The following CRACD variants were observed in gnomAD, a reference collection of about 807,000 sequenced individuals.
CRACD encodes capping protein inhibiting regulator of actin dynamics.
A neutral mutation model predicts 106.8 loss-of-function variants in CRACD; 56 were observed. That is an observed-to-expected ratio of 0.52 (90% CI 0.42 to 0.66). CRACD has a LOEUF of 0.66. CRACD is among the 30% of genes least tolerant of loss of function. CRACD has a pLI of 0.00. For synonymous variants in CRACD, 754 were observed against 670.8 expected, an observed-to-expected ratio of 1.12 and a Z score of -1.92; for missense variants, 1,730 against 1,623.2, an observed-to-expected ratio of 1.07 and a Z score of -1.13.
rs1745529298 is a variant in CRACD, at chr4:56,315,318, C to T, written c.1816C>T (p.Pro606Ser). Residue 606 changes from proline (P) to serine (S), a missense_variant, in exon 8 of 11, where the codon CCG (proline) becomes TCG (serine). Pro to Ser is a moderately conservative substitution (Grantham distance 74). Coordinates refer to ENST00000682029, the MANE Select transcript of CRACD (RefSeq NM_001393381.1). The surrounding 1 kb of genome is among the most constrained non-coding windows in gnomAD (Gnocchi z 4.1). Reference sequence around the variant, plus strand: ...GGTCACGGGCGCGCAGCTCTGTGGCCCGGCAGTCAACCTGAGCCAGATCAA... The same window carrying T: ...GGTCACGGGCGCGCAGCTCTGTGGCTCGGCAGTCAACCTGAGCCAGATCAA... Reference protein sequence around the residue: ...ILVTGAQLCGPAVNLSQIKDT... With the variant: ...ILVTGAQLCGSAVNLSQIKDT... The T allele has an allele frequency of 1.9e-6, 3 of 1,613,752 alleles. No individual in the cohort carries two copies. Among genetic ancestry groups the T allele is most frequent in the African/African-American group, 1.3e-5 (1 of 74,916 alleles).
intron 1 of CRACD, among the ~76,000 whole-genome samples, chr4:56,172,265 C>G (rs1736400386): frequency 6.6e-6 from 1 of 152,074 alleles, no homozygotes; most frequent in Non-Finnish European, 1.5e-5. Context: ...TTGTATTTGC[C>G]TGAAAAACTG....
At chr4:56,121,946 T>C (rs1734498803) in intron 1 of CRACD, among the ~76,000 whole-genome samples, 2 of 152,210 alleles carry the variant, frequency 1.3e-5, no homozygotes, top group Non-Finnish European at 2.9e-5. Context: ...ATCATGGACA[T>C]TGTTTTCTAT....
At chr4:56,241,753 G>T (rs1740380809) in intron 2 of CRACD, among the ~76,000 whole-genome samples, 1 of 152,164 alleles carries the variant, frequency 6.6e-6, no homozygotes, top group Non-Finnish European at 1.5e-5. Context: ...CTTTTTAAGA[G>T]CTCTTGGAGG....
chr4:56,268,440 G>A (rs1035199217), intron 2 of CRACD, among the ~76,000 whole-genome samples: 2 of 131,798 alleles, frequency 1.5e-5, no homozygotes, highest in Non-Finnish European at 3.2e-5. Context: ...TAGTCAAGGA[G>A]CAGTGTTGGG....
In CRACD at chr4:56,315,471, G is replaced by C; in HGVS notation, c.1969G>C (p.Glu657Gln). 6.2e-7 allele frequency: 1 copy of C among 1,613,202 alleles called. No homozygotes were observed. Among genetic ancestry groups the C allele is most frequent in the Non-Finnish European group, 8.5e-7 (1 of 1,179,904 alleles). ...CAGCGGGAAGGCTAAGCCCCGCCAG[G>C]AGTCTCCCAGCAGCGCGTCCGCACT... is the stretch of plus-strand genomic sequence containing the variant. ...AGSGKAKPRQESPSSASALAE... is the reference protein window; with the variant it reads ...AGSGKAKPRQQSPSSASALAE... Residue 657 changes from glutamate (E) to glutamine (Q), a missense_variant, in exon 8 of 11, where the codon GAG (glutamate) becomes CAG (glutamine). This residue lies in a region of CRACD where 1,620 missense variants were observed against 1,481.6 expected (regional missense o/e 1.09). Coordinates refer to ENST00000682029, the MANE Select transcript of CRACD (RefSeq NM_001393381.1). The surrounding 1 kb of genome is among the most constrained non-coding windows in gnomAD (Gnocchi z 4.1).
At chr4:56,143,545 TG>T (rs1175613479) in intron 1 of CRACD, among the ~76,000 whole-genome samples, 1 of 152,130 alleles carries the variant, frequency 6.6e-6, no homozygotes, top group African/African-American at 2.4e-5. Context: ...ACATTTTTGA[TG>T]ATTATGATGA....
chr4:56,309,860 A>AT (rs561058303), intron 5 of CRACD, among the ~76,000 whole-genome samples: 354 of 151,628 alleles, frequency 2.3e-3, no homozygotes, highest in African/African-American at 7.8e-3. Flanking sequence ...TCTCAAAAAA[A>AT]ATATATATAT....
intron 2 of CRACD, among the ~76,000 whole-genome samples, chr4:56,257,208 A>C (rs1329458119): frequency 6.6e-6 from 1 of 151,554 alleles, no homozygotes; most frequent in Non-Finnish European, 1.5e-5. Context: ...CAGCCTCCCA[A>C]GTAGCTGGGA....
At chr4:56,121,754 C>G (rs1734491658) in intron 1 of CRACD, among the ~76,000 whole-genome samples, 1 of 152,156 alleles carries the variant, frequency 6.6e-6, no homozygotes, top group Non-Finnish European at 1.5e-5. Flanking sequence ...AATCCACTTC[C>G]ACAGATGTAT....
chr4:56,051,063 C>G (rs1306297534), intron 1 of CRACD, among the ~76,000 whole-genome samples: 1 of 152,318 alleles, frequency 6.6e-6, no homozygotes, highest in East Asian at 1.9e-4. Flanking sequence ...TACAGTTTTT[C>G]TCTTACCCAA....
chr4:56,307,111 A>T (rs1016363756), intron 4 of CRACD, among the ~76,000 whole-genome samples: 28 of 152,222 alleles, frequency 1.8e-4, no homozygotes, highest in Admixed American at 1.1e-3. Flanking sequence ...GATTTCCCTC[A>T]GTGGTTCCTA....
At chr4:56,154,265 G>C (rs915221202) in intron 1 of CRACD, among the ~76,000 whole-genome samples, 1 of 150,442 alleles carries the variant, frequency 6.6e-6, no homozygotes, top group Non-Finnish European at 1.5e-5. Flanking sequence ...CCAGGAGTTT[G>C]AGACCAGGCT....
intron 1 of CRACD, among the ~76,000 whole-genome samples, chr4:56,135,868 TAGAA>T (rs561995744): frequency 5.4e-4 from 82 of 152,350 alleles, no homozygotes; most frequent in African/African-American, 1.9e-3. Context: ...CCACAATTAA[TAGAA>T]AGACTATTTC....
intron 1 of CRACD, among the ~76,000 whole-genome samples, chr4:56,085,335 A>G: frequency 6.6e-6 from 1 of 152,186 alleles, no homozygotes; most frequent in East Asian, 1.9e-4. Flanking sequence ...GTCTTAAGGA[A>G]GACCTAAAGT....
intron 1 of CRACD, among the ~76,000 whole-genome samples, chr4:56,147,815 C>T (rs916564158): frequency 1.3e-5 from 2 of 152,138 alleles, no homozygotes; most frequent in Non-Finnish European, 2.9e-5. Flanking sequence ...TATTGCCTGT[C>T]TTTTTCATTA....
chr4:56,062,413 G>A (rs1165126782), intron 1 of CRACD, among the ~76,000 whole-genome samples: 1 of 152,216 alleles, frequency 6.6e-6, no homozygotes, highest in Non-Finnish European at 1.5e-5. Context: ...GCTGAGGCAT[G>A]TGAACATTCA....
Position 56,316,170 on chromosome 4 carries a change from C to G in CRACD, c.2668C>G (p.Arg890Gly), listed in dbSNP as rs770838860. ...DAGPPAAGSA[R>G]GEKEMEGVAL... ...AGGGCCGCCTGCAGCGGGGAGCGCTCGTGGAGAGAAAGAGATGGAGGGTGT... is the reference window on the plus strand; with the variant it reads ...AGGGCCGCCTGCAGCGGGGAGCGCTGGTGGAGAGAAAGAGATGGAGGGTGT... The change falls in exon 8 of 11, where the codon CGT (arginine) becomes GGT (glycine). Residue 890 changes from arginine (R) to glycine (G), a missense_variant. Physicochemically the swap from Arg to Gly is moderately radical, Grantham distance 125 (BLOSUM62 -2). This residue lies in a region of CRACD where 1,620 missense variants were observed against 1,481.6 expected (regional missense o/e 1.09). Coordinates refer to ENST00000682029, the MANE Select transcript of CRACD (RefSeq NM_001393381.1). 8.7e-6 allele frequency: 14 copies of G among 1,614,108 alleles called. No individual in the cohort carries two copies. The highest frequency in any genetic ancestry group is 3.3e-5 in the Admixed American group (2 of 60,026).
intron 2 of CRACD, among the ~76,000 whole-genome samples, chr4:56,259,212 A>G (rs1459201657): frequency 1.3e-5 from 2 of 152,142 alleles, no homozygotes; most frequent in Non-Finnish European, 2.9e-5. Context: ...TGAGGTCTGC[A>G]TGACTCACTT....
chr4:56,207,222 C>A (rs1256642145), intron 2 of CRACD, among the ~76,000 whole-genome samples: 1 of 152,222 alleles, frequency 6.6e-6, no homozygotes, highest in African/African-American at 2.4e-5. Context: ...TGTACAGACA[C>A]CTCTGTTTAG....
Sources: gnomAD v4.1 joint callset for allele counts (sites outside exome capture counted in the v4.1 genomes callset) on GRCh38, gnomAD v4.1.1 for gene constraint, gnomAD v4.1.1 regional missense constraint, Gnocchi (gnomAD v3.1) non-coding constraint, MANE v1.5 for transcripts, NCBI Gene and HGNC (gene_info 2026-07-23, HGNC 2026-07-21) for gene names.